The following TPM1 variants were observed in gnomAD, a reference collection of about 807,000 sequenced individuals.
The protein encoded by TPM1 is tropomyosin 1, also known as tropomyosin alpha-1 chain.
Under a neutral mutation model 42.9 loss-of-function variants are expected in TPM1, and 24 were observed. That is an observed-to-expected ratio of 0.56 (90% CI 0.41 to 0.79). The LOEUF is 0.79. TPM1 is among the 30% of genes least tolerant of loss of function. The pLI is 0.00. For missense variants in TPM1, 158 were observed against 351.8 expected, an observed-to-expected ratio of 0.45 and a Z score of 4.41; for synonymous variants, 136 against 130.1, an observed-to-expected ratio of 1.05 and a Z score of -0.31.
At chr15:63,055,538 AC>A (rs1413125538) in intron 2 of TPM1, among the ~76,000 whole-genome samples, 1 of 152,118 alleles carries the variant, frequency 6.6e-6, no homozygotes, top group Non-Finnish European at 1.5e-5. Context: ...GGTTGGTTTT[AC>A]TCATCTTACT....
At chr15:63,057,387 G>A (rs533993390) in intron 3 of TPM1, among the ~76,000 whole-genome samples, 40 of 152,320 alleles carry the variant, frequency 2.6e-4, no homozygotes, top group Admixed American at 5.2e-4. Flanking sequence ...TCTAATGAGG[G>A]AGACAGACAT....
At chr15:63,059,942 G>T (rs1268507046) in intron 4 of TPM1, 1 of 363,376 alleles carries the variant, frequency 2.8e-6, no homozygotes, top group Non-Finnish European at 5.4e-6. Flanking sequence ...CAAAGACCCG[G>T]ACAAAAGATC....
intron 2 of TPM1, chr15:63,056,696 C>G (rs2034847605): frequency 2.5e-6 from 1 of 399,172 alleles, no homozygotes; most frequent in Non-Finnish European, 4.7e-6. Flanking sequence ...ACAAAAAAAT[C>G]TACGGAAGAA....
At chr15:63,043,645 TTG>T in intron 1 of TPM1, 1 of 1,535,180 alleles carries the variant, frequency 6.5e-7, no homozygotes. Flanking sequence ...CGCCCGTGTG[TTG>T]TGTGTGTCTA....
chr15:63,061,146 C>T, intron 5 of TPM1: 2 of 1,581,890 alleles, frequency 1.3e-6, no homozygotes, highest in South Asian at 1.1e-5. Flanking sequence ...CATGCCTTAC[C>T]TGCACACTGA....
At position 63,048,753 on chromosome 15, in the gene TPM1, C is replaced by A. The variant is rs750025028; in HGVS notation, c.240+4601C>A. 3 of 1,519,358 alleles carry A rather than the reference C, an allele frequency of 2.0e-6. No individual in the cohort carries two copies. In the South Asian group the frequency reaches 3.7e-5, roughly 19 times the overall value. The allele number at this position is 1,519,358 out of a possible 1,614,324, so 94.1% of individuals were successfully genotyped here. On this transcript the variant is annotated intron_variant, in intron 2 of 9. Coordinates refer to ENST00000403994, the MANE Select transcript of TPM1 (RefSeq NM_001018005.2). ...CCCGCAGCCCCCAGAGGCGCATCCT[C>A]CCGGGGCAGCCCCGCAGGGCCCTCC...
chr15:63,044,623 GC>G, intron 2 of TPM1: 1 of 276,520 alleles, frequency 3.6e-6, no homozygotes, highest in Non-Finnish European at 6.9e-6. Context: ...AAATGACACA[GC>G]GGTACCTTTA....
At chr15:63,068,320 G>A (rs1320288059), downstream of TPM1, among the ~76,000 whole-genome samples, 3 of 152,234 alleles carry the variant, frequency 2.0e-5, no homozygotes, top group East Asian at 3.9e-4. Context: ...CAACAAGGAA[G>A]AGAGAACCAT....
intron 2 of TPM1, among the ~76,000 whole-genome samples, chr15:63,053,901 C>T (rs1347232069): frequency 6.6e-6 from 1 of 151,814 alleles, no homozygotes; most frequent in Non-Finnish European, 1.5e-5. Context: ...AGGCTGGTCT[C>T]GAACTCCTGA....
At chr15:63,044,295 G>A (rs911002796) in intron 2 of TPM1, 143 bp downstream of exon 2, 7 of 1,218,620 alleles carry the variant, frequency 5.7e-6, no homozygotes, top group Admixed American at 5.5e-5. Context: ...CAGAGCATTG[G>A]ATGCCGCCTC....
chr15:63,062,134 G>C, intron 6 of TPM1, 81 bp from the exon 7 acceptor site: 1 of 1,270,844 alleles, frequency 7.9e-7, no homozygotes. Context: ...TCTGTTGGCT[G>C]AGCTGGCGAG....
At chr15:63,048,623 C>T in intron 2 of TPM1, 3 of 1,535,702 alleles carry the variant, frequency 2.0e-6, no homozygotes, top group Non-Finnish European at 2.6e-6. Flanking sequence ...AGATCCGGAG[C>T]CTGCAGGAGC....
intron 1 of TPM1, chr15:63,043,599 C>T (rs1275248197): frequency 2.0e-6 from 3 of 1,504,456 alleles, no homozygotes; most frequent in South Asian, 2.4e-5. Context: ...TCCAACTCGG[C>T]GGCGCCCCGA....
intron 9 of TPM1, 106 bp from the exon 10 acceptor site, chr15:63,065,790 G>T: frequency 7.0e-7 from 1 of 1,420,150 alleles, no homozygotes; most frequent in Non-Finnish European, 9.5e-7. Flanking sequence ...ACTGCTTCTT[G>T]TCTGTGTTTC....
intron 2 of TPM1, among the ~76,000 whole-genome samples, chr15:63,052,529 A>G (rs78719617): frequency 1.2e-5 from 1 of 85,742 alleles, no homozygotes; most frequent in Non-Finnish European, 2.6e-5. Flanking sequence ...TCTCAAAGAA[A>G]AAAGAAGAAG....
At chr15:63,068,011 A>G (rs1469933915), downstream of TPM1, among the ~76,000 whole-genome samples, 1 of 152,186 alleles carries the variant, frequency 6.6e-6, no homozygotes, top group African/African-American at 2.4e-5. Context: ...GACCCTCTGG[A>G]TTCTCCAGAT....
chr15:63,065,358 C>CTGT (rs2036162216), intron 9 of TPM1: 1 of 989,426 alleles, frequency 1.0e-6, no homozygotes, highest in Non-Finnish European at 1.2e-6. Flanking sequence ...CCAAGCCCAC[C>CTGT]TGTCATTCAT....
intron 1 of TPM1, 36 bp from the exon 2 acceptor site, chr15:63,043,991 C>G: frequency 6.2e-7 from 1 of 1,606,494 alleles, no homozygotes; most frequent in Non-Finnish European, 8.5e-7. Context: ...CCTGCTGCAC[C>G]CCCCTCCCTC....
At chr15:63,048,038 A>C in intron 2 of TPM1, 1 of 321,920 alleles carries the variant, frequency 3.1e-6, no homozygotes, top group South Asian at 2.2e-5. Context: ...GGTTGGGATC[A>C]GGCCCTTTAG....
Sources: gnomAD v4.1 joint callset for allele counts (sites outside exome capture counted in the v4.1 genomes callset) on GRCh38, gnomAD v4.1.1 for gene constraint, MANE v1.5 for transcripts, NCBI Gene and HGNC (gene_info 2026-07-23, HGNC 2026-07-21) for gene names.